PSD2: variants seen among roughly 807,000 people sequenced by gnomAD.
PSD2 encodes the protein PH and SEC7 domain-containing protein 2.
A neutral mutation model predicts 69.8 loss-of-function variants in PSD2; 38 were observed. The ratio of observed to expected loss-of-function variants is 0.54; its 90% CI spans 0.42 to 0.71. The LOEUF (loss-of-function observed/expected upper bound fraction) is 0.71. Among genes scored for constraint, PSD2 ranks in the 30% least tolerant of loss-of-function variants. The pLI is 0.00. For synonymous variants in PSD2, 412 were observed against 423.0 expected (o/e 0.97, Z 0.32); for missense variants, 943 against 1,014.5 (o/e 0.93, Z 0.96).
rs112466476 is a variant in PSD2, at chr5:139,824,608, T to C, written c.1269+1824T>C. Among the ~76,000 whole-genome samples, 299 of 152,276 alleles carry C rather than the reference T, an allele frequency of 2.0e-3. 1 individual carries two copies. The highest frequency in any genetic ancestry group is 6.6e-3 in the African/African-American group (274 of 41,570). ...AGATGTCTCTCTCTTTACGTGGTAC[T>C]GCTCAGAGATTAGGAGCGCAGGCTC... On this transcript the variant is annotated intron_variant, in intron 7 of 14. Coordinates refer to ENST00000274710, the MANE Select transcript of PSD2 (RefSeq NM_032289.4).
Position 139,837,617 on chromosome 5 carries a change from C to T in PSD2, c.1666-8C>T. The T allele has an allele frequency of 5.7e-6, 9 of 1,590,406 alleles. No individual in the cohort carries two copies. The highest frequency in any genetic ancestry group is 7.7e-6 in the Non-Finnish European group (9 of 1,162,382). ...GTGACCCTAGCTCGCCCATCCTGCC[C>T]CACCCAGGATGAGTACAGGCCTGAC... On this transcript the variant is annotated splice_polypyrimidine_tract_variant and splice_region_variant and intron_variant, in intron 11 of 14. Coordinates refer to ENST00000274710, the MANE Select transcript of PSD2 (RefSeq NM_032289.4). The surrounding 1 kb of genome is among the most constrained non-coding windows in gnomAD (Gnocchi z 5.0).
chr5:139,759,433 G>A, the PSD2 span, among the ~76,000 whole-genome samples: 30 of 152,196 alleles, frequency 2.0e-4, no homozygotes, highest in Middle Eastern at 3.4e-3. Context: ...GTGTCGGGAC[G>A]CACCGTATAT....
Position 139,837,467 on chromosome 5 carries a change from G to A in PSD2, c.1666-158G>A, listed in dbSNP as rs1474944579. Among the ~76,000 whole-genome samples the A allele has an allele frequency of 6.6e-6, 1 of 152,172 alleles. No individual in the cohort carries two copies. The highest frequency in any genetic ancestry group is 2.4e-5 in the African/African-American group (1 of 41,442). On this transcript the variant is annotated intron_variant, in intron 11 of 14. Coordinates refer to ENST00000274710, the MANE Select transcript of PSD2 (RefSeq NM_032289.4). The surrounding 1 kb of genome is among the most constrained non-coding windows in gnomAD (Gnocchi z 5.0). ...CCTGTTCAGGCCTCTGGGACAAACT[G>A]GGGTAAGGGGAGGAGTACCTGGATT...
the PSD2 span, among the ~76,000 whole-genome samples, chr5:139,758,208 G>T: frequency 1.3e-5 from 2 of 152,180 alleles, no homozygotes; most frequent in Non-Finnish European, 2.9e-5. Flanking sequence ...TGCATGGGGT[G>T]GTGATCTGTG....
At chr5:139,812,571 G>C (rs1759998028) in intron 2 of PSD2, among the ~76,000 whole-genome samples, 1 of 152,174 alleles carries the variant, frequency 6.6e-6, no homozygotes, top group Non-Finnish European at 1.5e-5. Context: ...AGTAAACAGG[G>C]GAACAGACAG....
intron 9 of PSD2, among the ~76,000 whole-genome samples, chr5:139,836,192 C>T (rs1760713631): frequency 6.6e-6 from 1 of 152,224 alleles, no homozygotes; most frequent in Admixed American, 6.5e-5. Context: ...CCTCTAACTT[C>T]TTCCCCTGCA....
intron 2 of PSD2, among the ~76,000 whole-genome samples, chr5:139,810,200 A>G (rs1253627746): frequency 6.6e-6 from 1 of 152,218 alleles, no homozygotes; most frequent in Non-Finnish European, 1.5e-5. Context: ...AACTGACTCC[A>G]GGAAAGCCGG....
the PSD2 span, among the ~76,000 whole-genome samples, chr5:139,771,699 A>G: frequency 1.3e-5 from 2 of 151,914 alleles, no homozygotes; most frequent in South Asian, 2.1e-4. Flanking sequence ...TTTCTATAAC[A>G]TTCTTCCCAG....
chr5:139,794,980 C>T (rs959954305), upstream of PSD2, among the ~76,000 whole-genome samples: 4 of 152,082 alleles, frequency 2.6e-5, no homozygotes, highest in African/African-American at 9.7e-5. Flanking sequence ...GGGGAGACAC[C>T]GTGGGACAGG....
At chr5:139,770,115 T>G in the PSD2 span, among the ~76,000 whole-genome samples, 2 of 152,108 alleles carry the variant, frequency 1.3e-5, no homozygotes, top group Non-Finnish European at 2.9e-5. Flanking sequence ...CCACCACATG[T>G]GGGGGCTCAG....
the PSD2 span, among the ~76,000 whole-genome samples, chr5:139,746,789 C>A: frequency 6.6e-6 from 1 of 152,202 alleles, no homozygotes; most frequent in East Asian, 1.9e-4. The surrounding 1 kb of genome is among the most constrained non-coding windows in gnomAD (Gnocchi z 4.5). Flanking sequence ...CTAGCGCTCC[C>A]GGGGAAGCCG....
intron 1 of PSD2, among the ~76,000 whole-genome samples, chr5:139,802,109 G>A (rs1759688036): frequency 6.6e-6 from 1 of 151,920 alleles, no homozygotes; most frequent in South Asian, 2.1e-4. Flanking sequence ...AGACTGGACA[G>A]GGAAGAGGAG....
At chr5:139,778,945 C>CAAAAAAAAAAAA in the PSD2 span, among the ~76,000 whole-genome samples, 3 of 99,890 alleles carry the variant, frequency 3.0e-5, no homozygotes, top group Non-Finnish European at 2.1e-5. Context: ...AGAAAAAAAA[C>CAAAAAAAAAAAA]AAAAAAAAAA....
chr5:139,793,129 AG>A (rs1259946535), upstream of PSD2, among the ~76,000 whole-genome samples: 1 of 151,678 alleles, frequency 6.6e-6, no homozygotes, highest in Non-Finnish European at 1.5e-5. Context: ...TTTAGTAGAG[AG>A]GGGGGTTTCA....
intron 1 of PSD2, among the ~76,000 whole-genome samples, chr5:139,796,818 A>G (rs1270089098): frequency 6.6e-6 from 1 of 152,192 alleles, no homozygotes; most frequent in Non-Finnish European, 1.5e-5. Context: ...GGCCAGGAAG[A>G]GAACAGGGAG....
chr5:139,757,709 CTTCTGTTCTTA>C, the PSD2 span, among the ~76,000 whole-genome samples: 1 of 152,204 alleles, frequency 6.6e-6, no homozygotes, highest in Non-Finnish European at 1.5e-5. Flanking sequence ...ATAATATATG[CTTCTGTTCTTA>C]ACTAAAAGCA....
chr5:139,747,743 C>T, the PSD2 span, among the ~76,000 whole-genome samples: 1 of 152,370 alleles, frequency 6.6e-6, no homozygotes, highest in Admixed American at 6.5e-5. The surrounding 1 kb of genome is among the most constrained non-coding windows in gnomAD (Gnocchi z 6.7). Flanking sequence ...CAGCCATCTG[C>T]TCGAGTGGAA....
In PSD2 at chr5:139,838,709, T is replaced by A. The variant is rs573396626; in HGVS notation, c.1905T>A (p.Ala635=). ...TCTCTGCCCCGGCCTTCCCAGCCGC[T>A]GTCAGCTCCATGAAGAAGTTCTGTC... ...AIFSAPAFPA[A]VSSMKKFCRP... Residue 635 remains alanine (A), a synonymous_variant, in exon 13 of 15, where the codon GCT becomes GCA. Transcript: ENST00000274710. 6.2e-7 allele frequency: 1 copy of A among 1,613,990 alleles called. No individual in the cohort carries two copies. The highest frequency in any genetic ancestry group is 1.1e-5 in the South Asian group (1 of 91,066).
rs1760837380 is a variant in PSD2, at chr5:139,840,138, T to C, written c.2080T>C (p.Tyr694His). The change falls in exon 14 of 15, where the codon TAC (tyrosine) becomes CAC (histidine). Residue 694 changes from tyrosine (Y) to histidine (H), a missense_variant. By Grantham distance (83) the Tyr-to-His change is moderately conservative. Transcript: ENST00000274710. Reference protein sequence around the residue: ...RGIKSKEAEEYRLKEHYLTFE... With the variant: ...RGIKSKEAEEHRLKEHYLTFE... ...CATCAAGTCCAAGGAGGCCGAGGAGTACCGGTTGAAGGAGCACTATCTCAC... is the reference window on the plus strand; with the variant it reads ...CATCAAGTCCAAGGAGGCCGAGGAGCACCGGTTGAAGGAGCACTATCTCAC... 3 of 1,613,854 alleles carry C rather than the reference T, an allele frequency of 1.9e-6. No individual in the cohort carries two copies. In the African/African-American group the frequency reaches 4.0e-5, roughly 22 times the overall value.
Sources: gnomAD v4.1 joint callset for allele counts (sites outside exome capture counted in the v4.1 genomes callset) on GRCh38, gnomAD v4.1.1 for gene constraint, Gnocchi (gnomAD v3.1) non-coding constraint, MANE v1.5 for transcripts, NCBI Gene and HGNC (gene_info 2026-07-23, HGNC 2026-07-21) for gene names.